PAQR3: variants seen among roughly 807,000 people sequenced by gnomAD.
PAQR3 encodes the protein progestin and adipoQ receptor family member 3, also known as Raf kinase trapping to Golgi.
In PAQR3, 39 loss-of-function variants were observed where a neutral mutation model predicts 41.7. The ratio of observed to expected loss-of-function variants is 0.93; its 90% CI spans 0.72 to 1.22. The LOEUF is 1.22. Among genes scored for constraint, PAQR3 ranks in the 50% most tolerant of loss-of-function variants. The pLI, the probability that PAQR3 is intolerant of heterozygous loss-of-function variation, is 0.00. For missense variants in PAQR3, 366 were observed against 385.6 expected (o/e 0.95, Z 0.42); for synonymous variants, 140 against 140.6 (o/e 1.00, Z 0.03).
At chr4:78,900,394 A>G (rs1733935416) in intron 11 of PAQR3, among the ~76,000 whole-genome samples, 1 of 152,164 alleles carries the variant, frequency 6.6e-6, no homozygotes, top group Non-Finnish European at 1.5e-5. Flanking sequence ...CTCATTGTTC[A>G]AGGCTCAACT....
At chr4:78,933,317 C>T (rs546945299) in intron 2 of PAQR3, 2 of 455,182 alleles carry the variant, frequency 4.4e-6, no homozygotes, top group Non-Finnish European at 8.8e-6. Flanking sequence ...TTCTAACATT[C>T]TTCTCCAAAA....
chr4:78,911,756 G>C (rs375866667), downstream of PAQR3: 1 of 1,613,966 alleles, frequency 6.2e-7, no homozygotes, highest in Non-Finnish European at 8.5e-7. Flanking sequence ...GACCCCTTCG[G>C]TGCCAAGCCC....
chr4:78,919,449 T>G lies in PAQR3; in HGVS notation c.*1090A>C. 1 of 984,814 alleles carries G rather than the reference T, an allele frequency of 1.0e-6. No homozygotes were observed. Among genetic ancestry groups the G allele is most frequent in the Non-Finnish European group, 1.2e-6 (1 of 829,468 alleles). 61.0% of individuals were successfully genotyped at this position (984,814 alleles called of 1,614,324 possible). On this transcript the variant is annotated 3_prime_UTR_variant, in exon 6 of 6. Transcript: ENST00000512733. ...TACAATAAAAAGAAAGTTTAATGCTTCAGGCCCAAATATTAAGTGTTTATC... is the reference window on the plus strand; with the variant it reads ...TACAATAAAAAGAAAGTTTAATGCTGCAGGCCCAAATATTAAGTGTTTATC...
chr4:78,922,353 C>G, intron 5 of PAQR3: 1 of 1,288,624 alleles, frequency 7.8e-7, no homozygotes, highest in Non-Finnish European at 1.0e-6. Context: ...GGGTTTCTCA[C>G]CCTTTCTTCT....
intron 11 of PAQR3, among the ~76,000 whole-genome samples, chr4:78,894,420 C>T (rs1275114304): frequency 2.0e-5 from 3 of 152,188 alleles, no homozygotes; most frequent in Non-Finnish European, 2.9e-5. Context: ...TCCTGCGTTA[C>T]CTGTACTTAC....
chr4:78,939,099 G>C lies in PAQR3; in HGVS notation c.126C>G (p.Asp42Glu). ...TYEQIPGSLK[D>E]NPYITDGYRA... ...GGTAGCCGTCGGTGATGTACGGGTT[G>C]TCCTTGAGGGACCCGGGGATCTGCT... The change falls in exon 1 of 6, where the codon GAC (aspartate) becomes GAG (glutamate). Residue 42 changes from aspartate (D) to glutamate (E), a missense_variant. Physicochemically the swap from Asp to Glu is conservative, Grantham distance 45. Transcript: ENST00000512733. The C allele has an allele frequency of 6.2e-7, 1 of 1,613,670 alleles. No individual in the cohort carries two copies. The highest frequency in any genetic ancestry group is 8.5e-7 in the Non-Finnish European group (1 of 1,179,766).
At chr4:78,937,567 A>G (rs1560587512) in intron 1 of PAQR3, among the ~76,000 whole-genome samples, 1 of 152,346 alleles carries the variant, frequency 6.6e-6, no homozygotes, top group East Asian at 1.9e-4. Context: ...TTGACGGCTT[A>G]TTAGGTTCCA....
intron 11 of PAQR3, among the ~76,000 whole-genome samples, chr4:78,893,181 A>G (rs1275892323): frequency 6.6e-6 from 1 of 152,236 alleles, no homozygotes; most frequent in African/African-American, 2.4e-5. Flanking sequence ...TGTTCACAGC[A>G]TCTTCACCAG....
chr4:78,927,708 C>T (rs971651890), intron 3 of PAQR3, among the ~76,000 whole-genome samples: 1 of 152,230 alleles, frequency 6.6e-6, no homozygotes, highest in Non-Finnish European at 1.5e-5. Flanking sequence ...AAAGAACACA[C>T]ACTTCGCTTA....
chr4:78,893,627 G>C (rs1296229008), intron 11 of PAQR3, among the ~76,000 whole-genome samples: 1 of 152,162 alleles, frequency 6.6e-6, no homozygotes, highest in African/African-American at 2.4e-5. Flanking sequence ...GAGTGGCATG[G>C]TCATAACTCA....
At chr4:78,911,079 T>C, downstream of PAQR3, 1 of 1,613,996 alleles carries the variant, frequency 6.2e-7, no homozygotes, top group Non-Finnish European at 8.5e-7. Flanking sequence ...AATTATCCTC[T>C]GATGTTGCAG....
intron 11 of PAQR3, among the ~76,000 whole-genome samples, chr4:78,897,491 T>A (rs1733764279): frequency 6.6e-6 from 1 of 152,150 alleles, no homozygotes; most frequent in South Asian, 2.1e-4. Context: ...AAACTTTGAA[T>A]AATATAGGAA....
Position 78,918,504 on chromosome 4 carries a change from C to A in PAQR3, c.*2035G>T, listed in dbSNP as rs545695297. 1.0e-4 allele frequency: 100 copies of A among 962,890 alleles called. No individual in the cohort carries two copies. Among genetic ancestry groups the A allele is most frequent in the African/African-American group, 1.2e-4 (7 of 56,582 alleles). The allele number at this position is 962,890 out of a possible 1,614,324, so 59.6% of individuals were successfully genotyped here. A position where few individuals can be genotyped will look rare whatever the true frequency, so the allele number is the denominator to read the frequency against. ...AAAAAATGAGAGGATAACTTTCTTA[C>A]AATATTTAACATTTTCATACAGAGT... On this transcript the variant is annotated 3_prime_UTR_variant, in exon 6 of 6. Coordinates refer to ENST00000512733, the MANE Select transcript of PAQR3 (RefSeq NM_001040202.2).
chr4:78,918,000 C>T lies in PAQR3; in HGVS notation c.*2539G>A. 1 of 983,086 alleles carries T rather than the reference C, an allele frequency of 1.0e-6. No homozygotes were observed. The highest frequency in any genetic ancestry group is 1.2e-6 in the Non-Finnish European group (1 of 827,556). 60.9% of individuals were successfully genotyped at this position (983,086 alleles called of 1,614,324 possible). On this transcript the variant is annotated 3_prime_UTR_variant, in exon 6 of 6. Transcript: ENST00000512733. Reference sequence around the variant, plus strand: ...TTTTGTCATGCAGCTTACTGAATTGCAGTTAGTGTAATAACAAAAAAAGAC... The same window carrying T: ...TTTTGTCATGCAGCTTACTGAATTGTAGTTAGTGTAATAACAAAAAAAGAC...
chr4:78,904,831 T>C (rs1439858947), intron 11 of PAQR3, among the ~76,000 whole-genome samples: 1 of 151,922 alleles, frequency 6.6e-6, no homozygotes, highest in Admixed American at 6.6e-5. Flanking sequence ...GCATAATTAT[T>C]ATATATTGTG....
intron 11 of PAQR3, among the ~76,000 whole-genome samples, chr4:78,893,568 T>C (rs1040208231): frequency 7.2e-5 from 11 of 152,194 alleles, no homozygotes; most frequent in Non-Finnish European, 2.9e-5. Flanking sequence ...ATTTCTTAAA[T>C]AATAAGACTT....
rs1368300220 is a variant in PAQR3 at position 78,917,475 on chromosome 4, T to TATC, written c.*3061_*3063dup. On this transcript the variant is annotated 3_prime_UTR_variant, in exon 6 of 6. Transcript: ENST00000512733. ...AAGGGTAGTTTCAGTTCTGGATCAT[T>TATC]ATCTCATTACACTACTTGGGAATTC... The TATC allele has an allele frequency of 6.6e-6, 1 of 151,998 alleles. No homozygotes were observed. The highest frequency in any genetic ancestry group is 1.5e-5 in the Non-Finnish European group (1 of 67,918). 9.4% of individuals were successfully genotyped at this position (151,998 alleles called of 1,614,324 possible).
downstream of PAQR3, among the ~76,000 whole-genome samples, chr4:78,909,056 T>TAA (rs1491399749): frequency 1.3e-5 from 1 of 78,026 alleles, no homozygotes; most frequent in African/African-American, 8.7e-5. Context: ...TCCCTTAGTC[T>TAA]TTTTTTTTTT....
chr4:78,887,393 T>C, intron 12 of PAQR3: 1 of 790,282 alleles, frequency 1.3e-6, no homozygotes, highest in Non-Finnish European at 2.1e-6. Context: ...CTACAGAAAG[T>C]AGAAAATATT....
Sources: allele counts gnomAD v4.1 joint callset (sites outside exome capture counted in the v4.1 genomes callset), GRCh38; gene constraint gnomAD v4.1.1; transcripts MANE v1.5; gene names NCBI Gene and HGNC (gene_info 2026-07-23, HGNC 2026-07-21).